Variants in SMAD2 observed in about 807,000 individuals in gnomAD.
SMAD2 encodes the protein MAD homolog 2.
In SMAD2, 8 loss-of-function variants were observed where a neutral mutation model predicts 64.4. That is an observed-to-expected ratio of 0.12 (90% confidence interval 0.07 to 0.22). SMAD2 has a LOEUF of 0.22. Among genes scored for constraint, SMAD2 ranks in the 10% least tolerant of loss-of-function variants. The pLI is 1.00. For missense variants in SMAD2, 289 were observed against 561.2 expected, an observed-to-expected ratio of 0.51 and a Z score of 4.90; for synonymous variants, 203 against 195.8, an observed-to-expected ratio of 1.04 and a Z score of -0.31.
intron 1 of SMAD2, among the ~76,000 whole-genome samples, chr18:47,923,853 A>G (rs2144549987): frequency 6.6e-6 from 1 of 152,340 alleles, no homozygotes; most frequent in Admixed American, 6.5e-5. Context: ...TGGCCAATGC[A>G]CAACCTCAGG....
rs1913794181 is a variant in SMAD2 at position 47,840,079 on chromosome 18, A to C, written c.*1748T>G. 4.3e-6 allele frequency: 1 copy of C among 233,138 alleles called. No individual in the cohort carries two copies. The allele number at this position is 233,138 out of a possible 1,614,324, so 14.4% of individuals were successfully genotyped here. A position where few individuals can be genotyped will look rare whatever the true frequency, so the allele number is the denominator to read the frequency against. The stretch of plus-strand genomic sequence containing the variant: ...TGGTACAAACAGGTGAACAATAAAT[A>C]TTTGTTGAATGAATAAAAAATTACT... On this transcript the variant is annotated 3_prime_UTR_variant, in exon 11 of 11. Transcript: ENST00000262160.
chr18:47,893,315 A>G (rs1484197573), intron 2 of SMAD2, among the ~76,000 whole-genome samples: 4 of 152,242 alleles, frequency 2.6e-5, no homozygotes, highest in African/African-American at 9.6e-5. Context: ...AGCCAGGACT[A>G]TGTTTCTGCC....
At chr18:47,876,607 T>G (rs1049256490) in intron 2 of SMAD2, among the ~76,000 whole-genome samples, 3 of 152,092 alleles carry the variant, frequency 2.0e-5, no homozygotes, top group Non-Finnish European at 4.4e-5. Flanking sequence ...TTTGTTGGCA[T>G]ACAGTATATT....
chr18:47,889,123 G>A (rs2033059758), intron 2 of SMAD2, among the ~76,000 whole-genome samples: 2 of 152,058 alleles, frequency 1.3e-5, no homozygotes, highest in South Asian at 4.1e-4. Context: ...GAAAAAAAAG[G>A]AAATGAAAAC....
At chr18:47,855,261 T>C (rs747903269) in intron 6 of SMAD2, among the ~76,000 whole-genome samples, 2 of 152,238 alleles carry the variant, frequency 1.3e-5, no homozygotes, top group Non-Finnish European at 2.9e-5. Context: ...AGTCACCTAT[T>C]AAAACATCTT....
intron 2 of SMAD2, among the ~76,000 whole-genome samples, chr18:47,893,578 G>A (rs2033307141): frequency 6.6e-6 from 1 of 152,118 alleles, no homozygotes. Context: ...TTCTGTTTAA[G>A]CTAAGGTTTG....
chr18:47,912,384 G>A (rs2034171526), intron 1 of SMAD2: 1 of 152,226 alleles, frequency 6.6e-6, no homozygotes, highest in African/African-American at 2.4e-5. Context: ...TAATGTAACT[G>A]AGTGGCATGT....
At chr18:47,860,742 A>C (rs1455166767) in intron 6 of SMAD2, among the ~76,000 whole-genome samples, 2 of 152,212 alleles carry the variant, frequency 1.3e-5, no homozygotes, top group African/African-American at 4.8e-5. Flanking sequence ...TAGATGGAAA[A>C]ATTCTCAAAA....
In SMAD2 at chr18:47,814,625, G is replaced by A. The variant is rs1912311114; in HGVS notation, c.*27202C>T. The A allele has an allele frequency of 6.6e-6, 1 of 152,336 alleles. No homozygotes were observed. The highest frequency in any genetic ancestry group is 1.9e-4 in the East Asian group (1 of 5,170). The allele number at this position is 152,336 out of a possible 1,614,324, so 9.4% of individuals were successfully genotyped here. A position where few individuals can be genotyped will look rare whatever the true frequency, so the allele number is the denominator to read the frequency against. ...TGCGAGTCTTGGAGCAGCAGGGTTA[G>A]TCAACTACTTTCCTGGCATAGCCTG... On this transcript the variant is annotated 3_prime_UTR_variant, in exon 11 of 11. Coordinates refer to ENST00000262160, the MANE Select transcript of SMAD2 (RefSeq NM_005901.6).
At chr18:47,853,771 GGC>G in intron 6 of SMAD2, among the ~76,000 whole-genome samples, 1 of 151,370 alleles carries the variant, frequency 6.6e-6, no homozygotes, top group Non-Finnish European at 1.5e-5. Flanking sequence ...CAAATCTGCT[GGC>G]AAGTCACAAA....
At chr18:47,921,425 T>C (rs2034555562) in intron 1 of SMAD2, among the ~76,000 whole-genome samples, 2 of 152,224 alleles carry the variant, frequency 1.3e-5, no homozygotes, top group Admixed American at 1.3e-4. Context: ...GACTCTTCAC[T>C]GGGTATCCCT....
chr18:47,896,246 C>T (rs766489319), intron 2 of SMAD2, among the ~76,000 whole-genome samples: 1 of 152,192 alleles, frequency 6.6e-6, no homozygotes, highest in Non-Finnish European at 1.5e-5. Flanking sequence ...ATTCTTTATT[C>T]AAGTATCATT....
intron 1 of SMAD2, among the ~76,000 whole-genome samples, chr18:47,903,876 TGGG>T (rs61222491): frequency 1.2e-4 from 6 of 49,064 alleles, no homozygotes; most frequent in African/African-American, 4.1e-4. Context: ...AAAAACAGTG[TGGG>T]GGGGGGGGGG....
Position 47,914,080 on chromosome 18 carries a change from T to C in SMAD2, c.-54+16281A>G, listed in dbSNP as rs146114862. On this transcript the variant is annotated intron_variant, in intron 1 of 10. Transcript: ENST00000262160. ...CAAGTTATTAACTCTATATTATAGT[T>C]TGACAAATAGCATTCTCTGCACATT... Among the ~76,000 whole-genome samples the C allele has an allele frequency of 7.4e-3, 1,123 of 152,328 alleles. 9 individuals are homozygous for C. Among genetic ancestry groups the C allele is most frequent in the African/African-American group, 0.025 (1,057 of 41,578 alleles).
Position 47,840,419 on chromosome 18 carries a change from C to T in SMAD2, c.*1408G>A, listed in dbSNP as rs1913833702. 1 of 232,870 alleles carries T rather than the reference C, an allele frequency of 4.3e-6. No individual in the cohort carries two copies. Among genetic ancestry groups the T allele is most frequent in the Admixed American group, 5.6e-5 (1 of 17,796 alleles). 14.4% of individuals were successfully genotyped at this position (232,870 alleles called of 1,614,324 possible). On this transcript the variant is annotated 3_prime_UTR_variant, in exon 11 of 11. Coordinates refer to ENST00000262160, the MANE Select transcript of SMAD2 (RefSeq NM_005901.6). ...CAACAGAGTTTCGGAAATCTCCTCT[C>T]ACTACAGAGCATGAAATATTGTCAA...
chr18:47,861,182 T>G (rs563307189), intron 6 of SMAD2, among the ~76,000 whole-genome samples: 82 of 152,008 alleles, frequency 5.4e-4, no homozygotes, highest in Non-Finnish European at 7.2e-4. Flanking sequence ...GTGGAGAAAC[T>G]CCGTCTCTAC....
At chr18:47,926,072 T>C (rs894179139) in intron 1 of SMAD2, among the ~76,000 whole-genome samples, 1 of 152,218 alleles carries the variant, frequency 6.6e-6, no homozygotes, top group Non-Finnish European at 1.5e-5. Flanking sequence ...AGGGGTGACA[T>C]AGGGTGCTAC....
rs1281522878 is a variant in SMAD2 at position 47,838,321 on chromosome 18, A to G, written c.*3506T>C. On this transcript the variant is annotated 3_prime_UTR_variant, in exon 11 of 11. Coordinates refer to ENST00000262160, the MANE Select transcript of SMAD2 (RefSeq NM_005901.6). Reference sequence around the variant, plus strand: ...TTGTAAAAACTTACAAAGAAAATTTAGCTTTCAAGAAAAATTAGGCAGATT... The same window carrying G: ...TTGTAAAAACTTACAAAGAAAATTTGGCTTTCAAGAAAAATTAGGCAGATT... 1 of 233,344 alleles carries G rather than the reference A, an allele frequency of 4.3e-6. No homozygotes were observed. Among genetic ancestry groups the G allele is most frequent in the Non-Finnish European group, 8.5e-6 (1 of 118,010 alleles). The allele number at this position is 233,344 out of a possible 1,614,324, so 14.5% of individuals were successfully genotyped here.
chr18:47,887,394 G>T (rs528803273), intron 2 of SMAD2, among the ~76,000 whole-genome samples: 2 of 152,150 alleles, frequency 1.3e-5, no homozygotes, highest in East Asian at 1.9e-4. Flanking sequence ...AAAGGGGCAC[G>T]ATCTTAAGTG....
Sources: gnomAD v4.1 joint callset for allele counts (sites outside exome capture counted in the v4.1 genomes callset) on GRCh38, gnomAD v4.1.1 for gene constraint, MANE v1.5 for transcripts, NCBI Gene and HGNC (gene_info 2026-07-23, HGNC 2026-07-21) for gene names.